The following DLG1 variants were observed in gnomAD, a reference collection of about 807,000 sequenced individuals.
DLG1 encodes the protein disks large homolog 1.
DLG1 carries 42 observed loss-of-function variants against 123.4 expected under a neutral mutation model. The ratio of observed to expected loss-of-function variants is 0.34; its 90% CI spans 0.27 to 0.44. The LOEUF is 0.44. Among genes scored for constraint, DLG1 ranks in the 20% least tolerant of loss-of-function variants. The pLI is 1.00. For missense variants in DLG1, 942 were observed against 1,082.6 expected, an observed-to-expected ratio of 0.87 and a Z score of 1.82; for synonymous variants, 317 against 356.2, an observed-to-expected ratio of 0.89 and a Z score of 1.24.
chr3:197,137,735 TGA>T (rs1422228936), intron 9 of DLG1, among the ~76,000 whole-genome samples: 1 of 152,090 alleles, frequency 6.6e-6, no homozygotes, highest in African/African-American at 2.4e-5. Context: ...TCTGCGGGGC[TGA>T]GGTGGGAGAA....
At chr3:197,101,592 T>C (rs1260340359) in intron 14 of DLG1, among the ~76,000 whole-genome samples, 1 of 152,102 alleles carries the variant, frequency 6.6e-6, no homozygotes, top group African/African-American at 2.4e-5. Flanking sequence ...GGTTTCACCG[T>C]GTTAGCCAGA....
Position 197,043,658 on chromosome 3 carries a change from A to ATATT in DLG1, c.*961_*964dup, listed in dbSNP as rs1371935893. On this transcript the variant is annotated 3_prime_UTR_variant, in exon 25 of 25. Coordinates refer to ENST00000667157, the MANE Select transcript of DLG1 (RefSeq NM_001366207.1). Reference sequence around the variant, plus strand: ...ACAGTTTAAAGAAAGTTTTATATATATATTTATATATATTTTATTATAACA... The same window carrying ATATT: ...ACAGTTTAAAGAAAGTTTTATATATATATTTATTTATATATATTTTATTATAACA... 1 of 150,580 alleles carries ATATT rather than the reference A, an allele frequency of 6.6e-6. No individual in the cohort carries two copies. The allele number at this position is 150,580 out of a possible 1,614,324, so 9.3% of individuals were successfully genotyped here. A position where few individuals can be genotyped will look rare whatever the true frequency, so the allele number is the denominator to read the frequency against.
chr3:197,298,750 T>A (rs147083146), upstream of DLG1: 7 of 396,602 alleles, frequency 1.8e-5, no homozygotes, highest in African/African-American at 1.0e-4. Flanking sequence ...CACTCCAGGC[T>A]GATTGTTAAG....
chr3:197,160,001 C>T (rs1028281827), intron 5 of DLG1, among the ~76,000 whole-genome samples: 1 of 152,094 alleles, frequency 6.6e-6, no homozygotes, highest in South Asian at 2.1e-4. Context: ...CACTGTAAAG[C>T]GCCTCAAGTT....
At chr3:197,062,189 A>G (rs1273899338) in intron 22 of DLG1, among the ~76,000 whole-genome samples, 2 of 152,160 alleles carry the variant, frequency 1.3e-5, no homozygotes, top group African/African-American at 4.8e-5. Flanking sequence ...CCTACTGAAC[A>G]TCATACCTTA....
intron 4 of DLG1, among the ~76,000 whole-genome samples, chr3:197,224,215 G>T (rs1174787017): frequency 2.0e-5 from 3 of 152,062 alleles, no homozygotes; most frequent in African/African-American, 7.2e-5. Flanking sequence ...GAATTTAACA[G>T]CATCCAAAGT....
intron 18 of DLG1, among the ~76,000 whole-genome samples, chr3:197,071,927 T>C (rs2148956293): frequency 6.6e-6 from 1 of 152,332 alleles, no homozygotes; most frequent in East Asian, 1.9e-4. Context: ...ATTCCTTTCC[T>C]AGATATTTCC....
intron 4 of DLG1, among the ~76,000 whole-genome samples, chr3:197,258,425 T>TG (rs796501381): frequency 0.2 from 849 of 4,250 alleles, 10 homozygotes; most frequent in African/African-American, 0.35. Flanking sequence ...CATATAGTTA[T>TG]GGGGGGGCGG....
intron 4 of DLG1, among the ~76,000 whole-genome samples, chr3:197,245,228 A>G (rs1751042938): frequency 6.6e-6 from 1 of 152,152 alleles, no homozygotes; most frequent in African/African-American, 2.4e-5. Flanking sequence ...AGTGAAATGG[A>G]TTCCATTATC....
At chr3:197,273,078 C>T (rs936653012) in intron 4 of DLG1, among the ~76,000 whole-genome samples, 3 of 151,866 alleles carry the variant, frequency 2.0e-5, no homozygotes, top group African/African-American at 7.3e-5. Flanking sequence ...AATTAATCAA[C>T]CTATTCCTTT....
intron 4 of DLG1, among the ~76,000 whole-genome samples, chr3:197,250,614 A>C (rs186441414): frequency 1.1e-3 from 168 of 152,204 alleles, no homozygotes; most frequent in African/African-American, 3.2e-3. Context: ...AAATTTAAAA[A>C]GCAATCACAT....
intron 5 of DLG1, chr3:197,161,761 A>T: frequency 1.4e-6 from 2 of 1,458,952 alleles, no homozygotes; most frequent in Non-Finnish European, 1.9e-6. Context: ...AATGACAAAA[A>T]ATCAGGAAAA....
At chr3:197,174,842 T>C (rs1181092883) in intron 5 of DLG1, among the ~76,000 whole-genome samples, 1 of 152,208 alleles carries the variant, frequency 6.6e-6, no homozygotes, top group African/African-American at 2.4e-5. Flanking sequence ...CCAATTCTTT[T>C]TCTCAGAACA....
At chr3:197,090,777 TCAATAATAAAAAA>T (rs1420864882) in intron 15 of DLG1, 122 bp downstream of exon 15, 27 of 486,832 alleles carry the variant, frequency 5.5e-5, no homozygotes. Context: ...TCAGAGAGAA[TCAATAATAAAAAA>T]CAACACTGAT....
intron 4 of DLG1, among the ~76,000 whole-genome samples, chr3:197,222,111 T>C (rs1242675654): frequency 6.6e-6 from 1 of 152,194 alleles, no homozygotes; most frequent in Non-Finnish European, 1.5e-5. Flanking sequence ...CGAATTCTGA[T>C]CCACAGTCGG....
intron 3 of DLG1, among the ~76,000 whole-genome samples, chr3:197,294,919 A>G (rs933375384): frequency 2.0e-5 from 3 of 152,166 alleles, no homozygotes; most frequent in African/African-American, 4.8e-5. Context: ...ATGTATATAT[A>G]TATCTCTATA....
intron 22 of DLG1, among the ~76,000 whole-genome samples, chr3:197,063,185 A>G (rs1361855730): frequency 8.1e-6 from 1 of 124,148 alleles, no homozygotes; most frequent in African/African-American, 2.9e-5. Context: ...CCTAAAACTT[A>G]AAGTATAAAA....
At chr3:197,105,204 A>G (rs1042282910) in intron 13 of DLG1, among the ~76,000 whole-genome samples, 199 bp from the exon 14 acceptor site, 1 of 152,246 alleles carries the variant, frequency 6.6e-6, no homozygotes, top group Non-Finnish European at 1.5e-5. Context: ...TTTATTTACT[A>G]AAACCACCTT....
At chr3:197,138,193 G>C (rs760789694) in intron 9 of DLG1, 29 bp downstream of exon 9, 1 of 1,377,324 alleles carries the variant, frequency 7.3e-7, no homozygotes, top group South Asian at 1.8e-5. Flanking sequence ...ATTTCTTAAA[G>C]ATTTATCTTA....
Sources: gnomAD v4.1 joint callset for allele counts (sites outside exome capture counted in the v4.1 genomes callset) on GRCh38, gnomAD v4.1.1 for gene constraint, MANE v1.5 for transcripts, NCBI Gene and HGNC (gene_info 2026-07-23, HGNC 2026-07-21) for gene names.